The following SIPA1L2 variants were observed in gnomAD, a reference collection of about 807,000 sequenced individuals.
SIPA1L2 encodes signal induced proliferation associated 1 like 2.
Under a neutral mutation model 163.9 loss-of-function variants are expected in SIPA1L2, and 56 were observed. That is an observed-to-expected ratio of 0.34 (90% CI 0.28 to 0.43). The LOEUF (loss-of-function observed/expected upper bound fraction) is 0.43, where lower values mean the gene tolerates loss of function less well. Among genes scored for constraint, SIPA1L2 ranks in the 20% least tolerant of loss-of-function variants. The pLI, the probability that SIPA1L2 is intolerant of heterozygous loss-of-function variation, is 1.00. For synonymous variants in SIPA1L2, 877 were observed against 865.7 expected (o/e 1.01, Z -0.23); for missense variants, 1,974 against 2,193.5 (o/e 0.90, Z 2.00).
intron 2 of SIPA1L2, among the ~76,000 whole-genome samples, chr1:232,564,274 GTGTGTGTA>G (rs1271105473): frequency 3.1e-5 from 3 of 96,226 alleles, no homozygotes; most frequent in Admixed American, 1.2e-4. Context: ...GTGTGTGTGT[GTGTGTGTA>G]TGATGGAGTT....
intron 1 of SIPA1L2, among the ~76,000 whole-genome samples, chr1:232,598,204 C>A (rs2102846814): frequency 6.7e-6 from 1 of 148,318 alleles, no homozygotes; most frequent in East Asian, 2.0e-4. Flanking sequence ...GAGTTTGAGA[C>A]TAGCCTGGGC....
At chr1:232,604,262 T>A (rs1661769385) in intron 1 of SIPA1L2, among the ~76,000 whole-genome samples, 1 of 149,540 alleles carries the variant, frequency 6.7e-6, no homozygotes, top group African/African-American at 2.6e-5. Flanking sequence ...ACAATTTTTG[T>A]ATTTTGACTT....
At chr1:232,534,110 G>A (rs965680364) in intron 2 of SIPA1L2, among the ~76,000 whole-genome samples, 10 of 151,834 alleles carry the variant, frequency 6.6e-5, no homozygotes, top group African/African-American at 2.4e-4. Flanking sequence ...GAATAGAGCT[G>A]GAAGTCTCAC....
At chr1:232,474,867 T>C (rs1160814339) in intron 7 of SIPA1L2, among the ~76,000 whole-genome samples, 6 of 152,166 alleles carry the variant, frequency 3.9e-5, no homozygotes, top group African/African-American at 1.4e-4. Context: ...AAAGCTGAAT[T>C]AGACAGTATC....
chr1:232,455,428 T>C (rs1663836505), intron 10 of SIPA1L2, among the ~76,000 whole-genome samples: 1 of 152,122 alleles, frequency 6.6e-6, no homozygotes, highest in African/African-American at 2.4e-5. Flanking sequence ...ACGCCTGTAA[T>C]CCCAGCACTT....
intron 7 of SIPA1L2, among the ~76,000 whole-genome samples, chr1:232,475,273 T>G (rs780191095): frequency 1.3e-5 from 2 of 152,164 alleles, no homozygotes; most frequent in African/African-American, 2.4e-5. Context: ...AACAACTGGT[T>G]CCCACCCAAG....
intron 5 of SIPA1L2, among the ~76,000 whole-genome samples, chr1:232,489,495 G>GTT (rs201264122): frequency 0.037 from 5,357 of 144,594 alleles, 325 homozygotes; most frequent in African/African-American, 0.12. Context: ...TTAGAGTATG[G>GTT]TTTTTTTTTT....
At chr1:232,541,242 TAACATTAACATAACA>T (rs1269281838) in intron 2 of SIPA1L2, among the ~76,000 whole-genome samples, 2,203 of 142,000 alleles carry the variant, frequency 0.016, 42 homozygotes, top group African/African-American at 0.056. Context: ...TCACATAACA[TAACATTAACATAACA>T]TAACATAACA....
chr1:232,417,402 C>G (rs907917010), intron 18 of SIPA1L2, among the ~76,000 whole-genome samples: 4 of 152,182 alleles, frequency 2.6e-5, no homozygotes, highest in African/African-American at 9.7e-5. Flanking sequence ...TTCCACCCTC[C>G]CTTCTCCACA....
chr1:232,491,399 C>T (rs1665923710), intron 4 of SIPA1L2, among the ~76,000 whole-genome samples: 1 of 152,148 alleles, frequency 6.6e-6, no homozygotes. Flanking sequence ...GAGAGGAAAC[C>T]AGACATGATG....
intron 2 of SIPA1L2, among the ~76,000 whole-genome samples, chr1:232,571,694 TG>T: frequency 6.6e-6 from 1 of 152,322 alleles, no homozygotes; most frequent in East Asian, 1.9e-4. Flanking sequence ...ACCGTCCCCT[TG>T]GGGTTAAGTG....
chr1:232,580,389 C>G (rs537270981), intron 1 of SIPA1L2, among the ~76,000 whole-genome samples: 2 of 152,164 alleles, frequency 1.3e-5, no homozygotes, highest in Admixed American at 1.3e-4. Flanking sequence ...CTATATCTTG[C>G]GCTGACCTCC....
Position 232,556,572 on chromosome 1 carries a change from A to G in SIPA1L2, c.-270+17602T>C, listed in dbSNP as rs543982156. Among the ~76,000 whole-genome samples, 316 of 152,352 alleles carry G rather than the reference A, an allele frequency of 2.1e-3. 2 individuals carry two copies. Among genetic ancestry groups the G allele is most frequent in the African/African-American group, 7.2e-3 (300 of 41,584 alleles). On this transcript the variant is annotated intron_variant, in intron 2 of 22. Coordinates refer to ENST00000674635, the MANE Select transcript of SIPA1L2 (RefSeq NM_020808.5). ...GTTCAGATATGGAGAAACCAGACAG[A>G]TAAGTGTGTCATCCGGGAAAAACAA... is the stretch of plus-strand genomic sequence containing the variant.
At chr1:232,558,077 A>G (rs1658815766) in intron 2 of SIPA1L2, among the ~76,000 whole-genome samples, 1 of 152,246 alleles carries the variant, frequency 6.6e-6, no homozygotes, top group African/African-American at 2.4e-5. Context: ...CTACTTGGAA[A>G]GCCAGTTGCC....
At chr1:232,606,426 T>C (rs1661923911) in intron 1 of SIPA1L2, among the ~76,000 whole-genome samples, 1 of 152,150 alleles carries the variant, frequency 6.6e-6, no homozygotes, top group African/African-American at 2.4e-5. Context: ...GGTCAAGGTA[T>C]CTCTGCTTTC....
At chr1:232,543,393 T>C (rs1424698948) in intron 2 of SIPA1L2, among the ~76,000 whole-genome samples, 1 of 152,196 alleles carries the variant, frequency 6.6e-6, no homozygotes, top group Non-Finnish European at 1.5e-5. Flanking sequence ...TGTGCCTGCC[T>C]CTCCTGGCCC....
chr1:232,563,515 T>G (rs1015801637), intron 2 of SIPA1L2, among the ~76,000 whole-genome samples: 1 of 152,192 alleles, frequency 6.6e-6, no homozygotes. Context: ...AGAAGGTCTG[T>G]TGTGATGATT....
chr1:232,448,856 C>T (rs1383883924), intron 10 of SIPA1L2, among the ~76,000 whole-genome samples: 2 of 152,172 alleles, frequency 1.3e-5, no homozygotes, highest in Non-Finnish European at 2.9e-5. Flanking sequence ...AACCTATCCC[C>T]TACCACTGCG....
intron 2 of SIPA1L2, among the ~76,000 whole-genome samples, chr1:232,540,489 C>T (rs1241678565): frequency 6.6e-6 from 1 of 152,100 alleles, no homozygotes; most frequent in African/African-American, 2.4e-5. Flanking sequence ...TTGCCCATCC[C>T]CTCTGAATGA....
Sources: allele counts gnomAD v4.1 joint callset (sites outside exome capture counted in the v4.1 genomes callset), GRCh38; gene constraint gnomAD v4.1.1; transcripts MANE v1.5; gene names NCBI Gene and HGNC (gene_info 2026-07-23, HGNC 2026-07-21).